DPY19L4: variants seen among roughly 807,000 people sequenced by gnomAD.
DPY19L4 encodes probable C-mannosyltransferase DPY19L4.
A neutral mutation model predicts 102.8 loss-of-function variants in DPY19L4; 97 were observed. The observed-to-expected ratio is 0.94, with a 90% CI of 0.80 to 1.12. DPY19L4 has a LOEUF of 1.12. Among genes scored for constraint, DPY19L4 ranks in the 50% most tolerant of loss-of-function variants. DPY19L4 has a pLI of 0.00. For missense variants in DPY19L4, 815 were observed against 850.4 expected (o/e 0.96, Z 0.52); for synonymous variants, 252 against 283.1 (o/e 0.89, Z 1.10).
intron 7 of DPY19L4, among the ~76,000 whole-genome samples, chr8:94,757,512 C>T (rs954401636): frequency 3.3e-5 from 5 of 151,978 alleles, no homozygotes; most frequent in East Asian, 1.9e-4. Flanking sequence ...CGGGCTCAAG[C>T]GATTCTCCTG....
chr8:94,770,383 A>T (rs753102694), intron 12 of DPY19L4, 69 bp from the exon 13 acceptor site: 27 of 1,455,626 alleles, frequency 1.9e-5, no homozygotes, highest in Non-Finnish European at 2.4e-5. Flanking sequence ...CAAAGATGAT[A>T]AACAATGTAT....
At chr8:94,769,209 G>C (rs945914977) in intron 12 of DPY19L4, among the ~76,000 whole-genome samples, 3 of 151,198 alleles carry the variant, frequency 2.0e-5, no homozygotes, top group Admixed American at 2.0e-4. Flanking sequence ...TGACAGGCAT[G>C]CGCTGCCACA....
In DPY19L4 at chr8:94,738,417, TC is replaced by T; in HGVS notation, c.303del (p.Tyr102IlefsTer6). The part of the protein sequence containing the change: ...TFQGDSAIYY[S>X]YYKDMLKAPS... ...TCAGGGTGACAGTGCCATTTATTAC[TC>T]CTATTATAAAGATATGTTAAAGGCA... On this transcript the variant is annotated frameshift_variant, in exon 4 of 19. Transcript: ENST00000414645. LOFTEE classifies it high-confidence loss of function. The T allele has an allele frequency of 6.4e-7, 1 of 1,563,158 alleles. No homozygotes were observed. Among genetic ancestry groups the T allele is most frequent in the Non-Finnish European group, 8.6e-7 (1 of 1,156,870 alleles).
In DPY19L4 at chr8:94,784,209, T is replaced by C. The variant is rs540793584; in HGVS notation, c.1848+407T>C. Among the ~76,000 whole-genome samples the C allele has an allele frequency of 1.8e-4, 27 of 150,284 alleles. No homozygotes were observed. In the East Asian group the frequency reaches 5.2e-3, roughly 29 times the overall value. ...TCAGCCTCCTGAGTAGCTAGGATTA[T>C]AGGCACTCACCACCACAGCCGGCTA... On this transcript the variant is annotated intron_variant, in intron 17 of 18. Coordinates refer to ENST00000414645, the MANE Select transcript of DPY19L4 (RefSeq NM_181787.3).
chr8:94,765,942 A>G (rs1218558721), intron 10 of DPY19L4, 133 bp downstream of exon 10: 1 of 553,170 alleles, frequency 1.8e-6, no homozygotes, highest in Non-Finnish European at 3.1e-6. Context: ...AACAACAATC[A>G]TAACTAGCAT....
intron 6 of DPY19L4, among the ~76,000 whole-genome samples, chr8:94,754,996 C>T (rs755274850): frequency 5.9e-5 from 9 of 152,100 alleles, no homozygotes; most frequent in Non-Finnish European, 1.2e-4. Flanking sequence ...CCATGTTGGC[C>T]AGGCTGGTCT....
rs190848593 is a variant in DPY19L4 at position 94,746,274 on chromosome 8, T to C, written c.611+6484T>C. Among the ~76,000 whole-genome samples, 1,505 of 151,360 alleles carry C rather than the reference T, an allele frequency of 9.9e-3. 43 individuals are homozygous for C. The highest frequency in any genetic ancestry group is 0.05 in the Admixed American group (751 of 15,126). ...CAGGGTTTCACCATATTGGCCAGGCTGGTCTTGAACTCCTGAACTTAGGCG... is the reference window on the plus strand; with the variant it reads ...CAGGGTTTCACCATATTGGCCAGGCCGGTCTTGAACTCCTGAACTTAGGCG... On this transcript the variant is annotated intron_variant, in intron 6 of 18. Coordinates refer to ENST00000414645, the MANE Select transcript of DPY19L4 (RefSeq NM_181787.3).
At chr8:94,720,250 T>G in intron 1 of DPY19L4, 2 of 985,092 alleles carry the variant, frequency 2.0e-6, no homozygotes, top group Non-Finnish European at 2.4e-6. Flanking sequence ...GAGCTGAAAG[T>G]TGGGAATCCG....
chr8:94,793,298 T>C lies in DPY19L4; in HGVS notation c.*3388T>C, dbSNP rs190301341. 2.3e-3 allele frequency: 355 copies of C among 152,344 alleles called. 1 individual carries two copies. The highest frequency in any genetic ancestry group is 8.0e-3 in the African/African-American group (332 of 41,578). 9.4% of individuals were successfully genotyped at this position (152,344 alleles called of 1,614,324 possible). The stretch of plus-strand genomic sequence containing the variant: ...TTTCTTACACTGTGAATAGCCATTG[T>C]ATTGTTTTGTTTCTGATAAATCAGT... On this transcript the variant is annotated 3_prime_UTR_variant, in exon 19 of 19. Coordinates refer to ENST00000414645, the MANE Select transcript of DPY19L4 (RefSeq NM_181787.3).
At chr8:94,726,717 G>A (rs941172986) in intron 2 of DPY19L4, among the ~76,000 whole-genome samples, 1 of 152,176 alleles carries the variant, frequency 6.6e-6, no homozygotes, top group Non-Finnish European at 1.5e-5. Flanking sequence ...CGTAGGAAAA[G>A]AGGAGGCAGA....
intron 3 of DPY19L4, among the ~76,000 whole-genome samples, chr8:94,735,591 A>AGGG: frequency 6.6e-6 from 1 of 152,214 alleles, no homozygotes. Flanking sequence ...GGGCAGTGGG[A>AGGG]CAGGCTGCGA....
At chr8:94,746,260 C>T (rs1164949799) in intron 6 of DPY19L4, among the ~76,000 whole-genome samples, 2 of 151,058 alleles carry the variant, frequency 1.3e-5, no homozygotes. Flanking sequence ...AGGGTTTCAC[C>T]ATATTGGCCA....
intron 6 of DPY19L4, among the ~76,000 whole-genome samples, chr8:94,747,361 T>C (rs1811721310): frequency 6.6e-6 from 1 of 151,698 alleles, no homozygotes; most frequent in Non-Finnish European, 1.5e-5. Context: ...GTGATTGTTT[T>C]GTTTTTATTT....
intron 2 of DPY19L4, among the ~76,000 whole-genome samples, chr8:94,732,655 T>G (rs894468507): frequency 6.6e-6 from 1 of 152,180 alleles, no homozygotes; most frequent in Non-Finnish European, 1.5e-5. Context: ...AGGTTTATAG[T>G]TAGTTATTCT....
At chr8:94,769,071 T>G (rs1476654400) in intron 12 of DPY19L4, among the ~76,000 whole-genome samples, 1 of 149,488 alleles carries the variant, frequency 6.7e-6, no homozygotes, top group Non-Finnish European at 1.5e-5. Context: ...TGTTTTTTTT[T>G]TTTTTTTGAG....
chr8:94,763,254 CTTT>C (rs374208413), intron 8 of DPY19L4, among the ~76,000 whole-genome samples: 3,152 of 104,868 alleles, frequency 0.03, 129 homozygotes, highest in African/African-American at 0.1. Context: ...GCCAAGGTAT[CTTT>C]TTTTTTTTTT....
chr8:94,750,170 G>A (rs1405270037), intron 6 of DPY19L4, among the ~76,000 whole-genome samples: 1 of 152,140 alleles, frequency 6.6e-6, no homozygotes, highest in Non-Finnish European at 1.5e-5. Context: ...TGGCCAGGCT[G>A]GTCTTGGACT....
intron 1 of DPY19L4, among the ~76,000 whole-genome samples, chr8:94,720,613 C>T (rs1810415492): frequency 6.6e-6 from 1 of 152,090 alleles, no homozygotes; most frequent in Non-Finnish European, 1.5e-5. Context: ...ATGATGAGGC[C>T]AGGAGGCCTT....
rs1813725003 is a variant in DPY19L4, at chr8:94,787,984, A to T, written c.1939A>T (p.Ile647Phe). 2.6e-6 allele frequency: 4 copies of T among 1,522,688 alleles called. No individual in the cohort carries two copies. In the South Asian group the frequency reaches 5.3e-5, roughly 20 times the overall value. The allele number at this position is 1,522,688 out of a possible 1,614,324, so 94.3% of individuals were successfully genotyped here. The change falls in exon 18 of 19, where the codon ATC (isoleucine) becomes TTC (phenylalanine). Residue 647 changes from isoleucine (I) to phenylalanine (F), a missense_variant. Ile to Phe is a conservative substitution (Grantham distance 21). Coordinates refer to ENST00000414645, the MANE Select transcript of DPY19L4 (RefSeq NM_181787.3). ...TAATTACCTAATTGTAGAGGATGCT[A>T]TCTGCAATGAGGTGGGACCCATGAG... ...KANYLIVEDAICNEVGPMRGC... is the reference protein window; with the variant it reads ...KANYLIVEDAFCNEVGPMRGC...
Sources: allele counts gnomAD v4.1 joint callset (sites outside exome capture counted in the v4.1 genomes callset), GRCh38; gene constraint gnomAD v4.1.1; transcripts MANE v1.5; gene names NCBI Gene and HGNC (gene_info 2026-07-23, HGNC 2026-07-21).